SLC6A5: variants seen among roughly 807,000 people sequenced by gnomAD.
SLC6A5 encodes solute carrier family 6 member 5.
Under a neutral mutation model 90.5 loss-of-function variants are expected in SLC6A5, and 58 were observed. That is an observed-to-expected ratio of 0.64 (90% CI 0.52 to 0.80). The LOEUF is 0.80. SLC6A5 is among the 30% of genes least tolerant of loss of function. SLC6A5 has a pLI of 0.00. For missense variants in SLC6A5, 1,015 were observed against 1,017.6 expected, an observed-to-expected ratio of 1.00 and a Z score of 0.03; for synonymous variants, 427 against 401.4, an observed-to-expected ratio of 1.06 and a Z score of -0.76.
intron 7 of SLC6A5, 88 bp downstream of exon 7, chr11:20,617,972 C>A: frequency 7.4e-7 from 1 of 1,357,964 alleles, no homozygotes; most frequent in South Asian, 1.2e-5. Flanking sequence ...GAAAGAGAGT[C>A]AGGAGCTGTG....
intron 2 of SLC6A5, among the ~76,000 whole-genome samples, chr11:20,601,888 C>A (rs983488284): frequency 2.6e-5 from 4 of 152,358 alleles, no homozygotes; most frequent in Admixed American, 2.6e-4. Flanking sequence ...GGGCCACGAC[C>A]TGCCCCTTCC....
At chr11:20,635,397 CG>C (rs1366013110) in intron 10 of SLC6A5, among the ~76,000 whole-genome samples, 1 of 139,260 alleles carries the variant, frequency 7.2e-6, no homozygotes, top group Non-Finnish European at 1.6e-5. Flanking sequence ...ATGTTTCATG[CG>C]CCGCCCCCCC....
At chr11:20,622,428 C>T (rs1490525671) in intron 7 of SLC6A5, among the ~76,000 whole-genome samples, 3 of 152,198 alleles carry the variant, frequency 2.0e-5, no homozygotes, top group South Asian at 2.1e-4. Flanking sequence ...ACCCTAGATG[C>T]CTCCTGTCTC....
intron 14 of SLC6A5, among the ~76,000 whole-genome samples, chr11:20,647,355 GTTATATATATAACTATATATTCCTATTAT>G: frequency 7.3e-6 from 1 of 136,282 alleles, no homozygotes; most frequent in Admixed American, 7.8e-5. Flanking sequence ...CTATTATATA[GTTATATATATAACTATATATTCCTATTAT>G]ATAGTTATAT....
intron 1 of SLC6A5, among the ~76,000 whole-genome samples, chr11:20,600,483 G>A (rs1852449064): frequency 6.6e-6 from 1 of 152,206 alleles, no homozygotes; most frequent in Admixed American, 6.5e-5. Flanking sequence ...AATACGAGTT[G>A]TGTAAGATAA....
Position 20,617,784 on chromosome 11 carries a change from A to C in SLC6A5, c.1160A>C (p.Glu387Ala). 2 of 1,614,172 alleles carry C rather than the reference A, an allele frequency of 1.2e-6. No individual in the cohort carries two copies. The highest frequency in any genetic ancestry group is 1.7e-6 in the Non-Finnish European group (2 of 1,180,032). Residue 387 changes from glutamate to alanine, a missense_variant, in exon 7 of 16, where the codon GAA (glutamate) becomes GCA (alanine). Glu to Ala is a moderately radical substitution (Grantham distance 107). Around this residue, in one of 3 missense-constraint regions of SLC6A5, gnomAD observed 567 missense variants for 507.3 expected, o/e 1.12. Coordinates refer to ENST00000525748, the MANE Select transcript of SLC6A5 (RefSeq NM_004211.5). ...GTGCTGAAGATTTCTGCAGGGATTG[A>C]ATATCCTGGCGAGATCAGGTGGCCA... ...YFVLKISAGI[E>A]YPGEIRWPLA...
At position 20,658,632 on chromosome 11, in the gene SLC6A5, G is replaced by C. The variant is rs539279962; in HGVS notation, c.*3764G>C. ...TGCTTTAATTGCCCAGAAAGGCCAA[G>C]TAGTTTTGAAATGTGGTCTTTGCTC... is the stretch of plus-strand genomic sequence containing the variant. On this transcript the variant is annotated 3_prime_UTR_variant, in exon 16 of 16. Transcript: ENST00000525748. The C allele has an allele frequency of 2.8e-4, 43 of 152,296 alleles. No individual in the cohort carries two copies. The highest frequency in any genetic ancestry group is 3.4e-3 in the Middle Eastern group (1 of 294). The allele number at this position is 152,296 out of a possible 1,614,324, so 9.4% of individuals were successfully genotyped here. A position where few individuals can be genotyped will look rare whatever the true frequency, so the allele number is the denominator to read the frequency against.
Position 20,654,779 on chromosome 11 carries a change from C to A in SLC6A5, c.2305C>A (p.Arg769Ser), listed in dbSNP as rs756851276. 6.2e-7 allele frequency: 1 copy of A among 1,614,046 alleles called. No homozygotes were observed. The highest frequency in any genetic ancestry group is 8.5e-7 in the Non-Finnish European group (1 of 1,179,964). Residue 769 changes from arginine (R) to serine (S), a missense_variant, in exon 16 of 16, where the codon CGT becomes AGT. Around this residue, in one of 3 missense-constraint regions of SLC6A5, gnomAD observed 442 missense variants for 494.3 expected, o/e 0.89. Transcript: ENST00000525748. Reference sequence around the variant, plus strand: ...ATTCTTAGCTCAACACCGCGGGGAGCGTTACAAGAACATGATCGACCCCTT... The same window carrying A: ...ATTCTTAGCTCAACACCGCGGGGAGAGTTACAAGAACATGATCGACCCCTT... The part of the protein sequence containing the change: ...GPFLAQHRGE[R>S]YKNMIDPLGT...
intron 10 of SLC6A5, among the ~76,000 whole-genome samples, chr11:20,631,675 T>C (rs993171195): frequency 4.6e-5 from 7 of 152,186 alleles, no homozygotes; most frequent in African/African-American, 1.7e-4. Context: ...AATTCAGACA[T>C]TTATGGGATG....
Position 20,615,212 on chromosome 11 carries a change from A to T in SLC6A5, c.1127+392A>T, listed in dbSNP as rs61212208. On this transcript the variant is annotated intron_variant, in intron 6 of 15. Coordinates refer to ENST00000525748, the MANE Select transcript of SLC6A5 (RefSeq NM_004211.5). ...CTTTAGTGTAAATAAGAACAAATTC[A>T]TTTTTTTTCCTTTTTTTATAGCTTT... 0.027 allele frequency among the ~76,000 whole-genome samples: 4,031 copies of T among 151,730 alleles called. 421 individuals are homozygous for T. The East Asian group carries it at 0.35, about 13-fold the overall frequency.
rs374598940 is a variant in SLC6A5, at chr11:20,630,754, C to T, written c.1563C>T (p.Phe521=). 3.1e-6 allele frequency: 5 copies of T among 1,614,230 alleles called. No homozygotes were observed. Among genetic ancestry groups the T allele is most frequent in the Non-Finnish European group, 4.2e-6 (5 of 1,180,026 alleles). Residue 521 remains phenylalanine, a synonymous_variant, in exon 10 of 16, where the codon TTC becomes TTT. Transcript: ENST00000525748. ...GCATCTTTGCCGGCTTCGTCATCTT[C>T]TCCGTTATCGGCTTCATGGCCAATG... ...ATSIFAGFVI[F]SVIGFMANER...
At position 20,619,900 on chromosome 11, in the gene SLC6A5, T is replaced by C. The variant is rs188136588; in HGVS notation, c.1260+2016T>C. On this transcript the variant is annotated intron_variant, in intron 7 of 15. Transcript: ENST00000525748. Reference sequence around the variant, plus strand: ...TCTGAGTGAGTACCATGAGACTGGATTGATTGTTTTTCTAAGGTTACAGGG... The same window carrying C: ...TCTGAGTGAGTACCATGAGACTGGACTGATTGTTTTTCTAAGGTTACAGGG... Among the ~76,000 whole-genome samples the C allele has an allele frequency of 1.3e-3, 205 of 152,150 alleles. 1 individual carries two copies. The highest frequency in any genetic ancestry group is 2.6e-3 in the Admixed American group (40 of 15,270).
chr11:20,652,592 C>T (rs1519739), intron 15 of SLC6A5, 136 bp downstream of exon 15: 30 of 914,800 alleles, frequency 3.3e-5, no homozygotes, highest in African/African-American at 2.9e-4. Context: ...CAGTTGCCAC[C>T]GTTTCTGTTA....
At position 20,656,131 on chromosome 11, in the gene SLC6A5, TG is replaced by T. The variant is rs1429579728; in HGVS notation, c.*1264del. 2.0e-5 allele frequency: 3 copies of T among 152,246 alleles called. No homozygotes were observed. The highest frequency in any genetic ancestry group is 4.8e-5 in the African/African-American group (2 of 41,468). 9.4% of individuals were successfully genotyped at this position (152,246 alleles called of 1,614,324 possible). ...GGCACTCTAATGAGAGCTGATCATA[TG>T]TCTGCAGAAATTGGCAAAGTGTAAA... On this transcript the variant is annotated 3_prime_UTR_variant, in exon 16 of 16. Transcript: ENST00000525748.
chr11:20,627,145 T>C (rs1401174671), intron 8 of SLC6A5, among the ~76,000 whole-genome samples: 2 of 152,178 alleles, frequency 1.3e-5, no homozygotes, highest in Non-Finnish European at 2.9e-5. Flanking sequence ...TTATAGAGTG[T>C]CGGAAGGGTA....
intron 5 of SLC6A5, among the ~76,000 whole-genome samples, chr11:20,608,948 CTCTCTCTCTCTGTGTG>C (rs1852639636): frequency 6.7e-5 from 5 of 74,340 alleles, no homozygotes; most frequent in South Asian, 5.1e-4. Context: ...CTCTCTCTCT[CTCTCTCTCTCTGTGTG>C]TGTGTGTGTG....
intron 4 of SLC6A5, 38 bp downstream of exon 4, chr11:20,607,176 T>C (rs954590076): frequency 5.1e-6 from 8 of 1,576,440 alleles, no homozygotes; most frequent in Middle Eastern, 1.9e-4. Flanking sequence ...TCAGGCCCTT[T>C]CTTACTCTGT....
chr11:20,601,686 C>T (rs759485245), intron 2 of SLC6A5, 21 bp downstream of exon 2: 113 of 1,608,970 alleles, frequency 7.0e-5, no homozygotes, highest in Non-Finnish European at 9.3e-5. Flanking sequence ...TGCATTACGG[C>T]CCGCACAGTG....
Position 20,657,815 on chromosome 11 carries a change from A to G in SLC6A5, c.*2947A>G, listed in dbSNP as rs1410079774. 1 of 152,230 alleles carries G rather than the reference A, an allele frequency of 6.6e-6. No individual in the cohort carries two copies. Among genetic ancestry groups the G allele is most frequent in the Non-Finnish European group, 1.5e-5 (1 of 68,034 alleles). The allele number at this position is 152,230 out of a possible 1,614,324, so 9.4% of individuals were successfully genotyped here. ...AGAGGAGAAAAAATGTATATTTCTT[A>G]ACAAGTGGTGTTGTGACTTCTTATG... On this transcript the variant is annotated 3_prime_UTR_variant, in exon 16 of 16. Coordinates refer to ENST00000525748, the MANE Select transcript of SLC6A5 (RefSeq NM_004211.5).
Sources: gnomAD v4.1 joint callset for allele counts (sites outside exome capture counted in the v4.1 genomes callset) on GRCh38, gnomAD v4.1.1 for gene constraint, gnomAD v4.1.1 regional missense constraint, MANE v1.5 for transcripts, NCBI Gene and HGNC (gene_info 2026-07-23, HGNC 2026-07-21) for gene names.